Variants in TMPRSS11F observed in about 807,000 individuals in gnomAD.
TMPRSS11F encodes transmembrane serine protease 11F, also known as transmembrane protease serine 11F.
TMPRSS11F carries 47 observed loss-of-function variants against 60.2 expected under a neutral mutation model. That is an observed-to-expected ratio of 0.78 (90% CI 0.62 to 1.00). The LOEUF is 1.00. TMPRSS11F is among the 50% of genes least tolerant of loss of function. The pLI, the probability that TMPRSS11F is intolerant of heterozygous loss-of-function variation, is 0.00. For synonymous variants in TMPRSS11F, 166 were observed against 167.3 expected (o/e 0.99, Z 0.06); for missense variants, 519 against 522.9 (o/e 0.99, Z 0.07).
chr4:68,077,928 G>A (rs1723618623), intron 3 of TMPRSS11F, among the ~76,000 whole-genome samples: 1 of 152,182 alleles, frequency 6.6e-6, no homozygotes, highest in Non-Finnish European at 1.5e-5. Flanking sequence ...GGTAGCCAGG[G>A]CTCCATGCCA....
chr4:68,079,323 G>A (rs990806792), intron 3 of TMPRSS11F, among the ~76,000 whole-genome samples: 4 of 152,124 alleles, frequency 2.6e-5, no homozygotes, highest in African/African-American at 7.2e-5. Flanking sequence ...TGTGTTAAGC[G>A]CATTAAGTGA....
intron 6 of TMPRSS11F, 83 bp from the exon 7 acceptor site, chr4:68,068,902 C>T (rs1192458109): frequency 1.0e-5 from 14 of 1,398,922 alleles, no homozygotes; most frequent in Admixed American, 3.5e-5. Flanking sequence ...ATAGACAATC[C>T]TTTGTCCCTG....
chr4:68,085,945 C>A (rs1249248928), intron 3 of TMPRSS11F, among the ~76,000 whole-genome samples: 1 of 152,110 alleles, frequency 6.6e-6, no homozygotes, highest in Non-Finnish European at 1.5e-5. Flanking sequence ...CATCAACAGT[C>A]CCACTGATAA....
intron 1 of TMPRSS11F, among the ~76,000 whole-genome samples, chr4:68,111,349 A>G (rs375647973): frequency 3.3e-5 from 5 of 152,282 alleles, no homozygotes; most frequent in African/African-American, 1.2e-4. Context: ...TACTGTATTA[A>G]AAACAAAATA....
intron 8 of TMPRSS11F, 88 bp downstream of exon 8, chr4:68,064,596 TA>T (rs1453291001): frequency 9.8e-6 from 14 of 1,432,404 alleles, no homozygotes; most frequent in Non-Finnish European, 1.3e-5. Context: ...TTACTTTTAT[TA>T]AAAGCTTAAG....
intron 9 of TMPRSS11F, among the ~76,000 whole-genome samples, chr4:68,058,473 G>A (rs191813348): frequency 6.6e-6 from 1 of 152,278 alleles, no homozygotes; most frequent in East Asian, 1.9e-4. Flanking sequence ...TGTCTATGAA[G>A]TTGAAAAAAG....
chr4:68,099,825 A>G (rs1429652599), intron 1 of TMPRSS11F, among the ~76,000 whole-genome samples: 1 of 152,170 alleles, frequency 6.6e-6, no homozygotes, highest in Non-Finnish European at 1.5e-5. Context: ...AGATCCCTAA[A>G]TGTATACAGA....
chr4:68,099,140 T>A (rs1445187132), intron 1 of TMPRSS11F, 102 bp from the exon 2 acceptor site: 2 of 993,494 alleles, frequency 2.0e-6, no homozygotes, highest in African/African-American at 3.3e-5. Context: ...TACTGCTAAA[T>A]AACAGTGAGC....
intron 1 of TMPRSS11F, among the ~76,000 whole-genome samples, chr4:68,118,403 A>G (rs1724565969): frequency 6.6e-6 from 1 of 152,210 alleles, no homozygotes; most frequent in African/African-American, 2.4e-5. Context: ...GGATAGTTCA[A>G]ACAAGGACTT....
chr4:68,113,669 C>T (rs577575352), intron 1 of TMPRSS11F, among the ~76,000 whole-genome samples: 1 of 152,138 alleles, frequency 6.6e-6, no homozygotes, highest in Non-Finnish European at 1.5e-5. Flanking sequence ...AAGAGAAGTA[C>T]ACAAATCCAC....
intron 1 of TMPRSS11F, among the ~76,000 whole-genome samples, chr4:68,119,169 A>G (rs1467444960): frequency 6.6e-6 from 1 of 152,136 alleles, no homozygotes; most frequent in Non-Finnish European, 1.5e-5. Flanking sequence ...GCCTAATCCA[A>G]AGCAAGGCCC....
chr4:68,125,081 G>A (rs1032299753), intron 1 of TMPRSS11F, among the ~76,000 whole-genome samples: 8 of 149,958 alleles, frequency 5.3e-5, no homozygotes, highest in Non-Finnish European at 1.2e-4. Flanking sequence ...AACAAGACCA[G>A]GAAAAGACTT....
At chr4:68,117,631 G>A (rs986093275) in intron 1 of TMPRSS11F, among the ~76,000 whole-genome samples, 25 of 152,226 alleles carry the variant, frequency 1.6e-4, no homozygotes, top group African/African-American at 6.0e-4. Flanking sequence ...CCTCACATCT[G>A]TTAGGATGGT....
intron 1 of TMPRSS11F, among the ~76,000 whole-genome samples, chr4:68,118,616 T>C (rs10026575): frequency 0.94 from 143,689 of 152,242 alleles, 68,385 homozygotes; most frequent in East Asian, 1. Flanking sequence ...AATTCATTCA[T>C]AAAATACTTA....
chr4:68,059,574 T>C, intron 8 of TMPRSS11F, 106 bp from the exon 9 acceptor site: 3 of 1,104,438 alleles, frequency 2.7e-6, no homozygotes, highest in Non-Finnish European at 3.8e-6. Context: ...AAGATTATTT[T>C]ATTAACATTA....
chr4:68,063,524 G>T (rs1723250457), intron 8 of TMPRSS11F, among the ~76,000 whole-genome samples: 1 of 151,898 alleles, frequency 6.6e-6, no homozygotes, highest in Non-Finnish European at 1.5e-5. Flanking sequence ...CTACAGGCCT[G>T]CACCACCATG....
chr4:68,069,412 A>T (rs945462673), intron 6 of TMPRSS11F, among the ~76,000 whole-genome samples: 2 of 151,756 alleles, frequency 1.3e-5, no homozygotes, highest in African/African-American at 4.8e-5. Flanking sequence ...AGGCTAGTTT[A>T]AAAAAAAATT....
chr4:68,121,418 A>C (rs1353437172), intron 1 of TMPRSS11F, among the ~76,000 whole-genome samples: 1 of 152,174 alleles, frequency 6.6e-6, no homozygotes, highest in Non-Finnish European at 1.5e-5. Context: ...TAGATGTTGA[A>C]TATTTTTGGT....
intron 3 of TMPRSS11F, among the ~76,000 whole-genome samples, chr4:68,088,621 A>G (rs1286769160): frequency 3.3e-5 from 5 of 152,182 alleles, no homozygotes; most frequent in Non-Finnish European, 7.3e-5. Flanking sequence ...CACCTATTCC[A>G]AAATTGACCA....
Sources: allele counts gnomAD v4.1 joint callset (sites outside exome capture counted in the v4.1 genomes callset), GRCh38; gene constraint gnomAD v4.1.1; transcripts MANE v1.5; gene names NCBI Gene and HGNC (gene_info 2026-07-23, HGNC 2026-07-21).